Variants in ATP8A1 observed in about 807,000 individuals in gnomAD.
ATP8A1 encodes the protein phospholipid-transporting ATPase IA.
Under a neutral mutation model 177.7 loss-of-function variants are expected in ATP8A1, and 90 were observed. That is an observed-to-expected ratio of 0.51 (90% CI 0.43 to 0.60). The LOEUF (loss-of-function observed/expected upper bound fraction) is 0.60. Among genes scored for constraint, ATP8A1 ranks in the 20% least tolerant of loss-of-function variants. The pLI is 0.00. For synonymous variants in ATP8A1, 493 were observed against 485.9 expected (o/e 1.01, Z -0.19); for missense variants, 1,072 against 1,392.8 (o/e 0.77, Z 3.67).
chr4:42,580,046 T>C, intron 10 of ATP8A1, 68 bp from the exon 11 acceptor site: 1 of 1,267,088 alleles, frequency 7.9e-7, no homozygotes, highest in Non-Finnish European at 1.1e-6. Flanking sequence ...TACTTAGTAT[T>C]CTGTTGAGGA....
At chr4:42,652,559 C>T (rs1322534925) in intron 1 of ATP8A1, among the ~76,000 whole-genome samples, 4 of 152,160 alleles carry the variant, frequency 2.6e-5, no homozygotes, top group African/African-American at 9.7e-5. Flanking sequence ...TAGCAAAGTC[C>T]TATAATATGA....
rs954873139 is a variant in ATP8A1 at position 42,425,164 on chromosome 4, C to T, written c.3124-1459G>A. ...GGGGGGAAAGGTAAGGTAAGAATTC[C>T]AAGGCATGCAACTGAAAATACATTT... On this transcript the variant is annotated intron_variant, in intron 33 of 36. Transcript: ENST00000381668. Among the ~76,000 whole-genome samples the T allele has an allele frequency of 7.2e-5, 11 of 151,898 alleles. 1 individual carries two copies. The South Asian group carries it at 1.7e-3, about 23-fold the overall frequency.
chr4:42,565,453 TAAA>T (rs1731255876), intron 15 of ATP8A1, among the ~76,000 whole-genome samples: 1 of 151,886 alleles, frequency 6.6e-6, no homozygotes, highest in Non-Finnish European at 1.5e-5. Context: ...AATGAGAAAA[TAAA>T]TAAGACCAGA....
At chr4:42,607,803 T>G (rs1039627445) in intron 5 of ATP8A1, among the ~76,000 whole-genome samples, 1 of 151,938 alleles carries the variant, frequency 6.6e-6, no homozygotes, top group Admixed American at 6.6e-5. Flanking sequence ...CTACCTTCAT[T>G]TAGGAAGATG....
intron 16 of ATP8A1, among the ~76,000 whole-genome samples, chr4:42,555,338 G>C (rs1284849521): frequency 3.3e-5 from 5 of 151,866 alleles, no homozygotes; most frequent in African/African-American, 1.2e-4. Context: ...ATTTCTATAA[G>C]TTATTTCGAT....
intron 1 of ATP8A1, among the ~76,000 whole-genome samples, chr4:42,651,763 A>G (rs1741122735): frequency 6.6e-6 from 1 of 152,144 alleles, no homozygotes; most frequent in African/African-American, 2.4e-5. Context: ...TGGAAGACAA[A>G]CTCTCAGGAC....
chr4:42,482,247 A>G (rs540435761), intron 25 of ATP8A1, among the ~76,000 whole-genome samples: 26 of 152,076 alleles, frequency 1.7e-4, no homozygotes, highest in African/African-American at 5.5e-4. Context: ...GGTTGCAGTG[A>G]GCTGAGATCG....
intron 35 of ATP8A1, among the ~76,000 whole-genome samples, chr4:42,418,415 G>A (rs2153166576): frequency 6.6e-6 from 1 of 152,276 alleles, no homozygotes; most frequent in East Asian, 1.9e-4. Context: ...AAAAATAATT[G>A]TCCTGCCTCC....
intron 15 of ATP8A1, among the ~76,000 whole-genome samples, chr4:42,563,327 G>T (rs1398546790): frequency 2.0e-5 from 3 of 152,194 alleles, no homozygotes; most frequent in Non-Finnish European, 4.4e-5. Context: ...GATGATTAGG[G>T]TATCTGGCGG....
At chr4:42,544,889 C>T (rs1408890547) in intron 19 of ATP8A1, among the ~76,000 whole-genome samples, 5 of 152,134 alleles carry the variant, frequency 3.3e-5, no homozygotes, top group African/African-American at 7.2e-5. Flanking sequence ...CGGCCTGGCA[C>T]GGTGGCTCAT....
chr4:42,456,450 C>G (rs1718496026), intron 27 of ATP8A1, among the ~76,000 whole-genome samples: 1 of 151,804 alleles, frequency 6.6e-6, no homozygotes, highest in East Asian at 1.9e-4. Flanking sequence ...TGATAAAATC[C>G]CATCTTGACT....
chr4:42,611,440 G>A (rs1476405834), intron 5 of ATP8A1, among the ~76,000 whole-genome samples: 3 of 152,144 alleles, frequency 2.0e-5, no homozygotes, highest in African/African-American at 7.2e-5. Context: ...CAAACCAGTT[G>A]ATCAATGGGC....
intron 22 of ATP8A1, among the ~76,000 whole-genome samples, chr4:42,514,538 A>G (rs544571791): frequency 6.6e-6 from 1 of 152,372 alleles, no homozygotes; most frequent in South Asian, 2.1e-4. Context: ...CATAGAGTAC[A>G]TAGAGGCTGC....
intron 14 of ATP8A1, among the ~76,000 whole-genome samples, chr4:42,571,314 T>A (rs1731882141): frequency 6.6e-6 from 1 of 152,208 alleles, no homozygotes; most frequent in African/African-American, 2.4e-5. Context: ...TAAAAACTTA[T>A]TTTTCATTTA....
chr4:42,466,277 G>C (rs938166616), intron 25 of ATP8A1, among the ~76,000 whole-genome samples: 1 of 152,094 alleles, frequency 6.6e-6, no homozygotes, highest in South Asian at 2.1e-4. Flanking sequence ...AAGGTTATGT[G>C]GCATAGATGA....
chr4:42,657,080 GC>G lies in ATP8A1; in HGVS notation c.-208del. 2.3e-6 allele frequency: 1 copy of G among 428,624 alleles called. No homozygotes were observed. The highest frequency in any genetic ancestry group is 3.9e-6 in the Non-Finnish European group (1 of 257,414). 26.6% of individuals were successfully genotyped at this position (428,624 alleles called of 1,614,324 possible). ...GGCAGCGGTGGCGGCGAAGGTGGCG[GC>G]GCCCGCAGAGCTGGGCGAGCTCTTG... On this transcript the variant is annotated 5_prime_UTR_variant, in exon 1 of 37. Transcript: ENST00000381668.
At chr4:42,482,834 A>G (rs1455325153) in intron 25 of ATP8A1, among the ~76,000 whole-genome samples, 8 of 152,222 alleles carry the variant, frequency 5.3e-5, no homozygotes, top group Non-Finnish European at 1.2e-4. Flanking sequence ...CAGATTCTGA[A>G]TTATCTGCAT....
rs368625635 is a variant in ATP8A1 at position 42,535,920 on chromosome 4, T to C, written c.1722+7997A>G. On this transcript the variant is annotated intron_variant, in intron 20 of 36. Transcript: ENST00000381668. ...TTAAAAAATGACTTGAACTGAATAA[T>C]AGTGACACAAACTATCAAAACCTCT... Among the ~76,000 whole-genome samples, 56 of 152,224 alleles carry C rather than the reference T, an allele frequency of 3.7e-4. 1 individual carries two copies. The highest frequency in any genetic ancestry group is 3.3e-3 in the South Asian group (16 of 4,826).
At chr4:42,421,417 G>A (rs947489814) in intron 35 of ATP8A1, among the ~76,000 whole-genome samples, 1 of 152,170 alleles carries the variant, frequency 6.6e-6, no homozygotes, top group Non-Finnish European at 1.5e-5. Context: ...TCCAGGCCCA[G>A]ATCTGTCACT....
Sources: gnomAD v4.1 joint callset for allele counts (sites outside exome capture counted in the v4.1 genomes callset) on GRCh38, gnomAD v4.1.1 for gene constraint, MANE v1.5 for transcripts, NCBI Gene and HGNC (gene_info 2026-07-23, HGNC 2026-07-21) for gene names.